The following SND1 variants were observed in gnomAD, a reference collection of about 807,000 sequenced individuals.
SND1 encodes staphylococcal nuclease and tudor domain containing 1.
SND1 carries 38 observed loss-of-function variants against 121.7 expected under a neutral mutation model. The observed-to-expected ratio is 0.31, with a 90% confidence interval of 0.24 to 0.41. The LOEUF is 0.41. Among genes scored for constraint, SND1 ranks in the 10% least tolerant of loss-of-function variants. The pLI, the probability that SND1 is intolerant of heterozygous loss-of-function variation, is 1.00. For missense variants in SND1, 868 were observed against 1,184.6 expected (o/e 0.73, Z 3.92); for synonymous variants, 401 against 447.4 (o/e 0.90, Z 1.31).
At chr7:127,775,628 T>A (rs113151740) in intron 10 of SND1, among the ~76,000 whole-genome samples, 3,878 of 152,090 alleles carry the variant, frequency 0.025, 81 homozygotes, top group Non-Finnish European at 0.036. Context: ...AGGAAAACAT[T>A]TCTCTACCCT....
At chr7:127,919,701 T>C (rs1219171237) in intron 14 of SND1, among the ~76,000 whole-genome samples, 1 of 152,232 alleles carries the variant, frequency 6.6e-6, no homozygotes, top group Non-Finnish European at 1.5e-5. Flanking sequence ...AAGATGTTTA[T>C]TGTAGTATTC....
chr7:127,837,715 A>G (rs1798892273), intron 11 of SND1, among the ~76,000 whole-genome samples: 1 of 152,250 alleles, frequency 6.6e-6, no homozygotes, highest in African/African-American at 2.4e-5. Flanking sequence ...ATGTTTAAAA[A>G]TATGTATCAC....
At chr7:127,805,046 G>C (rs1798208934) in intron 10 of SND1, among the ~76,000 whole-genome samples, 1 of 152,086 alleles carries the variant, frequency 6.6e-6, no homozygotes, top group African/African-American at 2.4e-5. Context: ...ACGTATGATT[G>C]AGCGCCATCA....
At chr7:127,677,633 A>G (rs1367729701) in intron 1 of SND1, among the ~76,000 whole-genome samples, 1 of 152,160 alleles carries the variant, frequency 6.6e-6, no homozygotes, top group East Asian at 1.9e-4. Context: ...CAACTACTCA[A>G]CTCTGCTGTT....
At position 127,707,622 on chromosome 7, in the gene SND1, A is replaced by T. The variant is rs1796223468; in HGVS notation, c.1013A>T (p.Gln338Leu). The T allele has an allele frequency of 6.2e-7, 1 of 1,614,030 alleles. No individual in the cohort carries two copies. The highest frequency in any genetic ancestry group is 2.2e-5 in the East Asian group (1 of 44,878). ...GTGGCTCCCACAGCTAATTTGGACC[A>T]AAAGGACAAGCAGTTTGTTGCCAAG... ...DYVAPTANLD[Q>L]KDKQFVAKVM... The change falls in exon 9 of 24, where the codon CAA (glutamine) becomes CTA (leucine). Residue 338 changes from glutamine (Q) to leucine (L), a missense_variant. By Grantham distance (113) the Gln-to-Leu change is moderately radical. Around this residue, in one of 2 missense-constraint regions of SND1, gnomAD observed 743 missense variants for 1,071.3 expected, o/e 0.69. Transcript: ENST00000354725.
At chr7:127,708,374 TCTTC>T (rs375661548) in intron 9 of SND1, among the ~76,000 whole-genome samples, 5 of 149,032 alleles carry the variant, frequency 3.4e-5, no homozygotes, top group East Asian at 2.0e-4. Flanking sequence ...TTCCTTCCTT[TCTTC>T]CTTCCTTCCT....
At chr7:127,765,660 A>G (rs1797397582) in intron 10 of SND1, among the ~76,000 whole-genome samples, 1 of 152,178 alleles carries the variant, frequency 6.6e-6, no homozygotes, top group Non-Finnish European at 1.5e-5. Flanking sequence ...TTAGCTCCCT[A>G]TGACTCTTGG....
At chr7:127,654,293 A>G (rs767196885) in intron 1 of SND1, among the ~76,000 whole-genome samples, 4 of 152,198 alleles carry the variant, frequency 2.6e-5, no homozygotes, top group Non-Finnish European at 5.9e-5. Context: ...CATTTGTAAT[A>G]CCTAACAAGT....
At chr7:128,033,185 G>A (rs1184302654) in intron 16 of SND1, among the ~76,000 whole-genome samples, 4 of 152,154 alleles carry the variant, frequency 2.6e-5, no homozygotes, top group Non-Finnish European at 4.4e-5. Context: ...GAGTGGGGGT[G>A]GAATTCTTGC....
chr7:127,993,668 A>G (rs1802571236), intron 16 of SND1, among the ~76,000 whole-genome samples: 1 of 152,214 alleles, frequency 6.6e-6, no homozygotes, highest in Non-Finnish European at 1.5e-5. Flanking sequence ...TGAAGACGTG[A>G]TTGTCCTTGG....
At chr7:127,769,819 C>T (rs1364501104) in intron 10 of SND1, among the ~76,000 whole-genome samples, 1 of 152,130 alleles carries the variant, frequency 6.6e-6, no homozygotes, top group Non-Finnish European at 1.5e-5. Context: ...CAGAACAGTG[C>T]CCTTTTTGTA....
intron 16 of SND1, among the ~76,000 whole-genome samples, chr7:128,069,256 G>C (rs1793368324): frequency 6.6e-6 from 1 of 152,206 alleles, no homozygotes; most frequent in Non-Finnish European, 1.5e-5. Flanking sequence ...CTGATGAGAA[G>C]ACCCTTCTCA....
chr7:128,033,588 G>T (rs374123110), intron 16 of SND1, among the ~76,000 whole-genome samples: 1 of 152,180 alleles, frequency 6.6e-6, no homozygotes, highest in South Asian at 2.1e-4. Flanking sequence ...ATACGCCATG[G>T]AATACTTGAA....
At chr7:127,793,147 C>A (rs550887273) in intron 10 of SND1, among the ~76,000 whole-genome samples, 196 of 152,248 alleles carry the variant, frequency 1.3e-3, no homozygotes, top group African/African-American at 4.4e-3. Flanking sequence ...AATTAATTGA[C>A]CTTTTCAGGT....
rs551800231 is a variant in SND1 at position 128,070,984 on chromosome 7, TC to T, written c.1780-3517del. Among the ~76,000 whole-genome samples the T allele has an allele frequency of 3.2e-4, 49 of 152,332 alleles. 1 individual carries two copies. The South Asian group carries it at 4.1e-3, about 13-fold the overall frequency. ...CAAGACAACACTCTGCCTTCTTGTTTCAGCTCTGATGATATAAACAAGTGTC... is the reference window on the plus strand; with the variant it reads ...CAAGACAACACTCTGCCTTCTTGTTTAGCTCTGATGATATAAACAAGTGTC... On this transcript the variant is annotated intron_variant, in intron 16 of 23. Coordinates refer to ENST00000354725, the MANE Select transcript of SND1 (RefSeq NM_014390.4).
chr7:127,739,128 T>C (rs1169526540), intron 10 of SND1, among the ~76,000 whole-genome samples: 2 of 152,174 alleles, frequency 1.3e-5, no homozygotes, highest in African/African-American at 4.8e-5. Flanking sequence ...AGAGAAAGAA[T>C]GGGTTCAGGG....
chr7:127,703,762 A>G (rs1796144692), intron 7 of SND1, among the ~76,000 whole-genome samples: 1 of 152,174 alleles, frequency 6.6e-6, no homozygotes, highest in African/African-American at 2.4e-5. Flanking sequence ...TTTTTGAGGC[A>G]TTTTCTAGGG....
chr7:128,043,231 T>A (rs936768693), intron 16 of SND1, among the ~76,000 whole-genome samples: 5 of 152,170 alleles, frequency 3.3e-5, no homozygotes, highest in African/African-American at 1.2e-4. Context: ...GATGCTGGGT[T>A]TTTTTAATAC....
At chr7:127,820,107 CT>C (rs1798519887) in intron 11 of SND1, among the ~76,000 whole-genome samples, 1 of 152,186 alleles carries the variant, frequency 6.6e-6, no homozygotes, top group African/African-American at 2.4e-5. Flanking sequence ...CAAAGCAGAT[CT>C]TTTTATCTGA....
Sources: allele counts gnomAD v4.1 joint callset (sites outside exome capture counted in the v4.1 genomes callset), GRCh38; gene constraint gnomAD v4.1.1; regional missense constraint gnomAD v4.1.1; transcripts MANE v1.5; gene names NCBI Gene and HGNC (gene_info 2026-07-23, HGNC 2026-07-21).